PAQR3: variants seen among roughly 807,000 people sequenced by gnomAD.
PAQR3 encodes the protein Raf kinase trapping to Golgi.
A neutral mutation model predicts 41.7 loss-of-function variants in PAQR3; 39 were observed. That is an observed-to-expected ratio of 0.93 (90% CI 0.72 to 1.22). The LOEUF is 1.22. Ranked by LOEUF, PAQR3 falls within the 50% of genes most tolerant of loss-of-function variation. PAQR3 has a pLI of 0.00. For synonymous variants in PAQR3, 140 were observed against 140.6 expected, an observed-to-expected ratio of 1.00 and a Z score of 0.03; for missense variants, 366 against 385.6, an observed-to-expected ratio of 0.95 and a Z score of 0.42.
chr4:78,925,439 T>C (rs1413003276), intron 4 of PAQR3, among the ~76,000 whole-genome samples: 1 of 152,164 alleles, frequency 6.6e-6, no homozygotes, highest in Non-Finnish European at 1.5e-5. Flanking sequence ...ATCATTACTG[T>C]CTCACCTTTC....
Position 78,920,527 on chromosome 4 carries a change from GC to G in PAQR3, c.*11del, listed in dbSNP as rs754643902. On this transcript the variant is annotated 3_prime_UTR_variant, in exon 6 of 6. Transcript: ENST00000512733. ...GCTTAACAACTGAATTCACCAGGTGGCCATACCTAATTCACAAATGTGAAAC... is the reference window on the plus strand; with the variant it reads ...GCTTAACAACTGAATTCACCAGGTGGCATACCTAATTCACAAATGTGAAAC... 7 of 1,603,866 alleles carry G rather than the reference GC, an allele frequency of 4.4e-6. No individual in the cohort carries two copies. The African/African-American group carries it at 9.4e-5, about 22-fold the overall frequency.
chr4:78,922,123 T>C, intron 5 of PAQR3: 1 of 1,034,078 alleles, frequency 9.7e-7, no homozygotes, highest in Non-Finnish European at 1.2e-6. Flanking sequence ...AATAAAGTGA[T>C]ACAAAAATAT....
intron 11 of PAQR3, among the ~76,000 whole-genome samples, chr4:78,895,078 T>C (rs1733633561): frequency 2.0e-5 from 3 of 152,130 alleles, no homozygotes; most frequent in Admixed American, 2.0e-4. Flanking sequence ...GATCACAGGG[T>C]CACCGTAACA....
chr4:78,887,131 TATTTC>T (rs1175912208), exon 13 of PAQR3: 9 of 1,322,234 alleles, frequency 6.8e-6, no homozygotes, highest in East Asian at 5.0e-5. Context: ...AGATCATTTT[TATTTC>T]ATTTCATTTT....
intron 11 of PAQR3, among the ~76,000 whole-genome samples, chr4:78,894,261 T>C (rs1008397588): frequency 1.3e-5 from 2 of 152,250 alleles, no homozygotes; most frequent in African/African-American, 4.8e-5. Context: ...TTTGAATCTT[T>C]GAAGCCAGAC....
At chr4:78,922,231 G>A in intron 5 of PAQR3, 1 of 1,205,352 alleles carries the variant, frequency 8.3e-7, no homozygotes, top group East Asian at 5.8e-5. Context: ...AAATCCTCAT[G>A]TTTACAACGC....
chr4:78,888,427 T>C (rs751517944), intron 11 of PAQR3, among the ~76,000 whole-genome samples: 1 of 152,216 alleles, frequency 6.6e-6, no homozygotes, highest in Non-Finnish European at 1.5e-5. Flanking sequence ...CTCAAGAACA[T>C]AGTATTCAAT....
At position 78,895,685 on chromosome 4, in the gene PAQR3, AATC is replaced by A. The variant is rs562264347; in HGVS notation, c.*837-7540_*837-7538del. Among the ~76,000 whole-genome samples, 164 of 152,326 alleles carry A rather than the reference AATC, an allele frequency of 1.1e-3. 1 individual carries two copies. Among genetic ancestry groups the A allele is most frequent in the Admixed American group, 2.2e-3 (34 of 15,290 alleles). On this transcript the variant is annotated intron_variant and NMD_transcript_variant, in intron 11 of 12. Transcript: ENST00000342820. ...TAGCTCATATCTATTGTTAAAGAAA[AATC>A]ATCAAAATTTTATGGAGCAAAAGGA...
chr4:78,936,213 T>C (rs1737415926), intron 1 of PAQR3, among the ~76,000 whole-genome samples: 1 of 152,260 alleles, frequency 6.6e-6, no homozygotes, highest in Admixed American at 6.5e-5. Flanking sequence ...ATAGGACTCA[T>C]CTGATTATTT....
At chr4:78,888,502 G>C (rs1733232322) in intron 11 of PAQR3, among the ~76,000 whole-genome samples, 1 of 152,142 alleles carries the variant, frequency 6.6e-6, no homozygotes, top group Admixed American at 6.5e-5. Flanking sequence ...TACATCCTCT[G>C]TTAGGAATTG....
chr4:78,903,633 T>A (rs576157795), intron 11 of PAQR3, among the ~76,000 whole-genome samples: 45 of 152,120 alleles, frequency 3.0e-4, no homozygotes, highest in African/African-American at 1.0e-3. Flanking sequence ...TAAAGTTGAG[T>A]ATTCTTTTGT....
At position 78,918,776 on chromosome 4, in the gene PAQR3, TAA is replaced by T; in HGVS notation, c.*1761_*1762del. On this transcript the variant is annotated 3_prime_UTR_variant, in exon 6 of 6. Coordinates refer to ENST00000512733, the MANE Select transcript of PAQR3 (RefSeq NM_001040202.2). ...AATGATTTTCCCCTCATTTTTAACT[TAA>T]GTGTAACTACTCAGTGTCTTTTGTT... The T allele has an allele frequency of 2.0e-6, 2 of 984,268 alleles. No homozygotes were observed. Among genetic ancestry groups the T allele is most frequent in the Non-Finnish European group, 2.4e-6 (2 of 828,976 alleles). The allele number at this position is 984,268 out of a possible 1,614,324, so 61.0% of individuals were successfully genotyped here.
Position 78,921,188 on chromosome 4 carries a change from C to T in PAQR3, c.794-507G>A, listed in dbSNP as rs10031149. On this transcript the variant is annotated intron_variant, in intron 5 of 5. Coordinates refer to ENST00000512733, the MANE Select transcript of PAQR3 (RefSeq NM_001040202.2). ...TGTGCTCTCTAACTAATGGAATAAT[C>T]TGCAGGATGTAATTAGTAATGGATT... 3.0e-3 allele frequency among the ~76,000 whole-genome samples: 449 copies of T among 151,988 alleles called. 4 individuals carry two copies. The highest frequency in any genetic ancestry group is 0.011 in the South Asian group (54 of 4,828).
chr4:78,923,362 AG>A (rs1735858201), intron 5 of PAQR3, among the ~76,000 whole-genome samples: 1 of 151,818 alleles, frequency 6.6e-6, no homozygotes, highest in South Asian at 2.1e-4. Context: ...TTTAAGTTCT[AG>A]GGTACATGTA....
Position 78,918,697 on chromosome 4 carries a change from A to G in PAQR3, c.*1842T>C, listed in dbSNP as rs948972359. 7.3e-6 allele frequency: 7 copies of G among 964,098 alleles called. No individual in the cohort carries two copies. The highest frequency in any genetic ancestry group is 1.1e-4 in the East Asian group (1 of 8,706). 59.7% of individuals were successfully genotyped at this position (964,098 alleles called of 1,614,324 possible). On this transcript the variant is annotated 3_prime_UTR_variant, in exon 6 of 6. Transcript: ENST00000512733. ...GGACTGCAAAAATTGAAATGATTCA[A>G]TGTTTTTTTATTTTGAGAAAGTTTT...
chr4:78,904,180 T>G (rs1734166753), intron 11 of PAQR3, among the ~76,000 whole-genome samples: 2 of 151,930 alleles, frequency 1.3e-5, no homozygotes, highest in Admixed American at 1.3e-4. Flanking sequence ...GTCATGACAG[T>G]GAACTAACAT....
intron 5 of PAQR3, 42 bp downstream of exon 5, chr4:78,923,815 T>C: frequency 2.2e-6 from 3 of 1,346,884 alleles, no homozygotes; most frequent in Non-Finnish European, 3.2e-6. Flanking sequence ...TGGGCATATA[T>C]TTAGACTAAC....
intron 11 of PAQR3, among the ~76,000 whole-genome samples, chr4:78,889,784 T>A (rs752366926): frequency 6.6e-6 from 1 of 152,254 alleles, no homozygotes; most frequent in African/African-American, 2.4e-5. Flanking sequence ...CGATAAGCCA[T>A]CTTATTTGAA....
At chr4:78,890,100 G>A (rs1451896191) in intron 11 of PAQR3, among the ~76,000 whole-genome samples, 1 of 151,690 alleles carries the variant, frequency 6.6e-6, no homozygotes, top group African/African-American at 2.4e-5. Context: ...ATCTTACAAA[G>A]TGATTTGTAA....
Sources: gnomAD v4.1 joint callset for allele counts (sites outside exome capture counted in the v4.1 genomes callset) on GRCh38, gnomAD v4.1.1 for gene constraint, MANE v1.5 for transcripts, NCBI Gene and HGNC (gene_info 2026-07-23, HGNC 2026-07-21) for gene names.